The following DNAH3 variants were observed in gnomAD, a reference collection of about 807,000 sequenced individuals.
The protein encoded by DNAH3 is dynein axonemal heavy chain 3, also known as axonemal beta dynein heavy chain 3.
In DNAH3, 332 loss-of-function variants were observed where a neutral mutation model predicts 432.5. The ratio of observed to expected loss-of-function variants is 0.77; its 90% CI spans 0.70 to 0.84. The LOEUF is 0.84. Ranked by LOEUF, DNAH3 falls within the 40% of genes least tolerant of loss-of-function variation. DNAH3 has a pLI of 0.00. For synonymous variants in DNAH3, 1,956 were observed against 1,900.2 expected (o/e 1.03, Z -0.76); for missense variants, 4,861 against 5,114.0 (o/e 0.95, Z 1.51).
At chr16:20,937,387 A>G (rs2152565405) in intron 59 of DNAH3, among the ~76,000 whole-genome samples, 1 of 152,236 alleles carries the variant, frequency 6.6e-6, no homozygotes, top group Middle Eastern at 3.4e-3. Context: ...TTATTTCTAG[A>G]TTGTTGTCAC....
At chr16:20,947,577 T>C (rs1337462349) in intron 57 of DNAH3, among the ~76,000 whole-genome samples, 4 of 152,012 alleles carry the variant, frequency 2.6e-5, no homozygotes, top group Non-Finnish European at 5.9e-5. Context: ...ACCAGGTAGA[T>C]GGTATTGGAA....
intron 12 of DNAH3, among the ~76,000 whole-genome samples, chr16:21,113,104 G>GT (rs1254390756): frequency 6.6e-6 from 1 of 152,106 alleles, no homozygotes; most frequent in Non-Finnish European, 1.5e-5. Context: ...GGAAGGCATG[G>GT]TTTGATTTGA....
intron 52 of DNAH3, among the ~76,000 whole-genome samples, chr16:20,969,263 C>T (rs1010185620): frequency 6.6e-6 from 1 of 151,042 alleles, no homozygotes; most frequent in Non-Finnish European, 1.5e-5. Context: ...TCTATATGTG[C>T]ATGTCTCTGT....
rs746501254 is a variant in DNAH3, at chr16:21,111,672, G to A, written c.2053C>T (p.His685Tyr). The A allele has an allele frequency of 2.5e-6, 4 of 1,613,714 alleles. No individual in the cohort carries two copies. In the African/African-American group the frequency reaches 5.3e-5, roughly 22 times the overall value. ...ACATCCACTTGGAATTGAATCAGATGGTCTTTAAGATTTTGAGCTCGCTCA... is the reference window on the plus strand; with the variant it reads ...ACATCCACTTGGAATTGAATCAGATAGTCTTTAAGATTTTGAGCTCGCTCA... The change falls in exon 14 of 62, where the codon CAT (histidine) becomes TAT (tyrosine). Residue 685 changes from histidine to tyrosine, a missense_variant. Transcript: ENST00000261383.
Position 21,031,131 on chromosome 16 carries a change from CAG to C in DNAH3, c.5351_5352del (p.Ser1784Ter), listed in dbSNP as rs771547631. 2.5e-5 allele frequency: 41 copies of C among 1,614,174 alleles called. No individual in the cohort carries two copies. The highest frequency in any genetic ancestry group is 1.6e-4 in the Middle Eastern group (1 of 6,062). ...TCAAATATAATCCACTTGCGATCAT[CAG>C]AGAGTGAAGACGCTTGCTCCCGGAA... On this transcript the variant is annotated frameshift_variant, in exon 37 of 62. Coordinates refer to ENST00000261383, the Ensembl canonical transcript of DNAH3. LOFTEE classifies it high-confidence loss of function.
chr16:20,938,491 A>G (rs2083679218), intron 59 of DNAH3, among the ~76,000 whole-genome samples: 1 of 152,062 alleles, frequency 6.6e-6, no homozygotes, highest in Non-Finnish European at 1.5e-5. Flanking sequence ...GACCTCTATT[A>G]TACCTAAAGA....
intron 61 of DNAH3, among the ~76,000 whole-genome samples, 197 bp downstream of exon 61, chr16:20,935,151 G>C (rs750715463): frequency 2.6e-5 from 4 of 152,156 alleles, no homozygotes. Context: ...TATACACAGA[G>C]ACAAAGCATT....
At chr16:21,040,187 A>G (rs1031591710) in intron 32 of DNAH3, among the ~76,000 whole-genome samples, 9 of 151,944 alleles carry the variant, frequency 5.9e-5, no homozygotes, top group South Asian at 4.2e-4. Flanking sequence ...GGGTCCCTCA[A>G]TGGTTCTGTG....
chr16:21,084,194 C>T (rs1170748056), intron 19 of DNAH3, among the ~76,000 whole-genome samples: 1 of 152,116 alleles, frequency 6.6e-6, no homozygotes, highest in East Asian at 1.9e-4. Flanking sequence ...ACTTCAAAGG[C>T]CTGTTTTAAG....
intron 41 of DNAH3, among the ~76,000 whole-genome samples, chr16:21,018,329 A>G (rs1025330229): frequency 6.6e-6 from 1 of 152,232 alleles, no homozygotes; most frequent in Non-Finnish European, 1.5e-5. Flanking sequence ...TTCTAGGAAT[A>G]TAGAAAAAAC....
chr16:21,007,349 C>T (rs1020234553), intron 41 of DNAH3, among the ~76,000 whole-genome samples: 1 of 151,692 alleles, frequency 6.6e-6, no homozygotes, highest in South Asian at 2.1e-4. Context: ...GCTGGGACTA[C>T]AGGCAGGCAC....
intron 20 of DNAH3, among the ~76,000 whole-genome samples, chr16:21,081,419 T>C (rs2091181848): frequency 6.7e-6 from 1 of 149,848 alleles, no homozygotes; most frequent in African/African-American, 2.5e-5. Context: ...AATCCATGAC[T>C]CAATTTTCTA....
Position 20,950,717 on chromosome 16 carries a change from T to A in DNAH3, c.11188+1716A>T, listed in dbSNP as rs528168041. On this transcript the variant is annotated intron_variant, in intron 56 of 61. Transcript: ENST00000261383. Reference sequence around the variant, plus strand: ...GTTTTAATTAAGCTGCATTTTGACCTTCAGCCATGATATTCCATTCATTTA... The same window carrying A: ...GTTTTAATTAAGCTGCATTTTGACCATCAGCCATGATATTCCATTCATTTA... Among the ~76,000 whole-genome samples, 9 of 152,356 alleles carry A rather than the reference T, an allele frequency of 5.9e-5. No homozygotes were observed. In the East Asian group the frequency reaches 1.7e-3, roughly 29 times the overall value.
At chr16:21,142,372 A>C (rs2092730819) in intron 3 of DNAH3, among the ~76,000 whole-genome samples, 1 of 152,202 alleles carries the variant, frequency 6.6e-6, no homozygotes, top group East Asian at 1.9e-4. Flanking sequence ...CGTCTCAAAA[A>C]ATATACATAC....
chr16:20,999,942 A>G (rs2086936206), intron 43 of DNAH3, among the ~76,000 whole-genome samples: 1 of 151,898 alleles, frequency 6.6e-6, no homozygotes, highest in East Asian at 1.9e-4. Context: ...TACTTCCACT[A>G]CAAGGAAGAG....
intron 38 of DNAH3, among the ~76,000 whole-genome samples, chr16:21,025,875 G>C (rs113834717): frequency 6.6e-6 from 1 of 151,722 alleles, no homozygotes; most frequent in African/African-American, 2.4e-5. Flanking sequence ...CTGGGATTAC[G>C]GGCACCCACC....
intron 1 of DNAH3, among the ~76,000 whole-genome samples, chr16:21,148,595 C>T (rs182573670): frequency 9.9e-5 from 15 of 152,148 alleles, no homozygotes; most frequent in Admixed American, 5.9e-4. Flanking sequence ...CTGACAGGGA[C>T]GCTGTTCTCG....
intron 41 of DNAH3, among the ~76,000 whole-genome samples, chr16:21,008,393 G>A (rs1480248583): frequency 6.6e-6 from 1 of 152,072 alleles, no homozygotes; most frequent in Non-Finnish European, 1.5e-5. Flanking sequence ...TTGGGTAAAG[G>A]GAAAAGCTCA....
intron 18 of DNAH3, among the ~76,000 whole-genome samples, chr16:21,088,786 T>C (rs188667542): frequency 1.3e-4 from 20 of 152,248 alleles, no homozygotes; most frequent in Admixed American, 4.6e-4. Flanking sequence ...AATTCTAGGG[T>C]CCTGTCCAGT....
Sources: allele counts gnomAD v4.1 joint callset (sites outside exome capture counted in the v4.1 genomes callset), GRCh38; gene constraint gnomAD v4.1.1; transcripts MANE v1.5; gene names NCBI Gene and HGNC (gene_info 2026-07-23, HGNC 2026-07-21).